NELL1: variants seen among roughly 807,000 people sequenced by gnomAD.
The protein encoded by NELL1 is protein kinase C-binding protein NELL1.
Under a neutral mutation model 107.4 loss-of-function variants are expected in NELL1, and 76 were observed. The ratio of observed to expected loss-of-function variants is 0.71; its 90% CI spans 0.59 to 0.86. The LOEUF (loss-of-function observed/expected upper bound fraction) is 0.86, where lower values mean the gene tolerates loss of function less well. Ranked by LOEUF, NELL1 falls within the 40% of genes least tolerant of loss-of-function variation. The pLI is 0.00. For missense variants in NELL1, 1,024 were observed against 1,005.5 expected (o/e 1.02, Z -0.25); for synonymous variants, 353 against 341.2 (o/e 1.03, Z -0.38).
intron 2 of NELL1, among the ~76,000 whole-genome samples, chr11:20,756,743 G>A (rs1663503403): frequency 1.3e-5 from 2 of 151,928 alleles, no homozygotes; most frequent in Admixed American, 1.3e-4. Flanking sequence ...CTGCCGGTAG[G>A]TTCCCCCAGA....
chr11:20,979,533 G>A lies in NELL1; in HGVS notation c.1300+18973G>A, dbSNP rs114241225. Among the ~76,000 whole-genome samples, 733 of 152,312 alleles carry A rather than the reference G, an allele frequency of 4.8e-3. 10 individuals are homozygous for A. Among genetic ancestry groups the A allele is most frequent in the African/African-American group, 0.017 (691 of 41,560 alleles). ...ACCTGCTTTAAACCAGCACTGTAAA[G>A]TTGGAAATAATGGAAAACACGTTCA... On this transcript the variant is annotated intron_variant, in intron 12 of 19. Coordinates refer to ENST00000357134, the MANE Select transcript of NELL1 (RefSeq NM_006157.5).
intron 12 of NELL1, among the ~76,000 whole-genome samples, chr11:20,978,640 C>CA (rs2134240865): frequency 6.6e-6 from 1 of 152,282 alleles, no homozygotes; most frequent in African/African-American, 2.4e-5. Context: ...CATGCTTCCA[C>CA]AATCCCCTTC....
chr11:21,514,931 C>T (rs1590996018), intron 15 of NELL1, among the ~76,000 whole-genome samples: 1 of 152,120 alleles, frequency 6.6e-6, no homozygotes, highest in Non-Finnish European at 1.5e-5. Flanking sequence ...GTAGGTGATA[C>T]TAATGGTCAC....
intron 15 of NELL1, among the ~76,000 whole-genome samples, chr11:21,448,006 C>T (rs1410781419): frequency 1.3e-5 from 2 of 152,192 alleles, no homozygotes; most frequent in African/African-American, 4.8e-5. Context: ...TGAATTCTCA[C>T]AATCGCTTTT....
chr11:20,937,735 C>A (rs372576607), intron 9 of NELL1, 51 bp from the exon 10 acceptor site: 2 of 1,363,672 alleles, frequency 1.5e-6, no homozygotes, highest in South Asian at 1.2e-5. Flanking sequence ...CCTCTGAGGT[C>A]ATTTTGTGGC....
chr11:20,779,912 T>C lies in NELL1; in HGVS notation c.185-3768T>C, dbSNP rs963956237. On this transcript the variant is annotated intron_variant, in intron 2 of 19. Coordinates refer to ENST00000357134, the MANE Select transcript of NELL1 (RefSeq NM_006157.5). ...ATCCAAAGTCACACAGCTAGTCATC[T>C]GCAAAACTCAAAGTGATCTCAGTCC... 3.9e-5 allele frequency among the ~76,000 whole-genome samples: 6 copies of C among 152,352 alleles called. No homozygotes were observed. The East Asian group carries it at 7.7e-4, about 20-fold the overall frequency.
At chr11:21,250,561 A>G (rs891411702) in intron 14 of NELL1, among the ~76,000 whole-genome samples, 9 of 152,184 alleles carry the variant, frequency 5.9e-5, no homozygotes, top group African/African-American at 1.9e-4. Context: ...TAGATAAGGA[A>G]AGTTGTCATA....
chr11:20,908,167 A>G (rs1850046252), intron 5 of NELL1, among the ~76,000 whole-genome samples: 1 of 152,228 alleles, frequency 6.6e-6, no homozygotes, highest in South Asian at 2.1e-4. Flanking sequence ...ATATAAAACC[A>G]GAAATACCAT....
chr11:21,028,610 A>G (rs1433564244), intron 12 of NELL1, among the ~76,000 whole-genome samples: 1 of 151,710 alleles, frequency 6.6e-6, no homozygotes, highest in Non-Finnish European at 1.5e-5. Flanking sequence ...CTTCTCTCCC[A>G]TTTTCCCCTA....
chr11:21,169,616 A>G (rs1373908441), intron 13 of NELL1: 1 of 354,212 alleles, frequency 2.8e-6, no homozygotes. Flanking sequence ...TTTTGCATGC[A>G]TTCTTTCCCA....
chr11:21,325,772 G>C (rs933238767), intron 14 of NELL1, among the ~76,000 whole-genome samples: 2 of 151,940 alleles, frequency 1.3e-5, no homozygotes, highest in Admixed American at 6.6e-5. Context: ...CCCTTGTGCT[G>C]CTTTTCAGTC....
intron 4 of NELL1, among the ~76,000 whole-genome samples, chr11:20,855,177 CTTTT>C (rs59669806): frequency 7.1e-6 from 1 of 140,724 alleles, no homozygotes. Flanking sequence ...TCAACTTTTT[CTTTT>C]TTTTTTTTTT....
chr11:21,282,478 C>T (rs1448267621), intron 14 of NELL1, among the ~76,000 whole-genome samples: 1 of 74,470 alleles, frequency 1.3e-5, no homozygotes, highest in African/African-American at 5.7e-5. Flanking sequence ...GACTCTGTCT[C>T]AAAAAAAAAA....
intron 5 of NELL1, among the ~76,000 whole-genome samples, chr11:20,902,903 A>G (rs1849909574): frequency 6.6e-6 from 1 of 152,074 alleles, no homozygotes; most frequent in Non-Finnish European, 1.5e-5. Flanking sequence ...AATTCCATAT[A>G]CAGCTTATTG....
chr11:21,128,641 C>A (rs186645367), intron 13 of NELL1, among the ~76,000 whole-genome samples: 2 of 152,060 alleles, frequency 1.3e-5, no homozygotes, highest in Non-Finnish European at 2.9e-5. Context: ...AATAAAAATG[C>A]GGCATTGATT....
chr11:21,313,052 CAAAATAAAAT>C (rs10616259), intron 14 of NELL1, among the ~76,000 whole-genome samples: 7 of 147,268 alleles, frequency 4.8e-5, no homozygotes, highest in African/African-American at 1.0e-4. Context: ...CTCCCCGTCT[CAAAATAAAAT>C]AAAATAAAAT....
chr11:21,213,559 G>T (rs1590739456), intron 13 of NELL1, among the ~76,000 whole-genome samples: 1 of 152,056 alleles, frequency 6.6e-6, no homozygotes, highest in African/African-American at 2.4e-5. Context: ...ATTGAAATTT[G>T]AATTGAATAA....
chr11:20,772,628 C>CATTCATTCATTCATTG (rs1468900024), intron 2 of NELL1, among the ~76,000 whole-genome samples: 1 of 151,990 alleles, frequency 6.6e-6, no homozygotes, highest in African/African-American at 2.4e-5. Context: ...TTCATTCATT[C>CATTCATTCATTCATTG]ATTCATTCAT....
At chr11:21,076,023 C>T (rs537388684) in intron 12 of NELL1, among the ~76,000 whole-genome samples, 31 of 152,296 alleles carry the variant, frequency 2.0e-4, no homozygotes, top group African/African-American at 6.7e-4. Flanking sequence ...ACATACATAA[C>T]TGGACATTTT....
Sources: allele counts gnomAD v4.1 joint callset (sites outside exome capture counted in the v4.1 genomes callset), GRCh38; gene constraint gnomAD v4.1.1; transcripts MANE v1.5; gene names NCBI Gene and HGNC (gene_info 2026-07-23, HGNC 2026-07-21).